RBMS3: variants seen among roughly 807,000 people sequenced by gnomAD.
The protein encoded by RBMS3 is RNA-binding motif, single-stranded-interacting protein 3.
Under a neutral mutation model 66.8 loss-of-function variants are expected in RBMS3, and 27 were observed. The ratio of observed to expected loss-of-function variants is 0.40; its 90% confidence interval spans 0.30 to 0.56. The LOEUF is 0.56. Among genes scored for constraint, RBMS3 ranks in the 20% least tolerant of loss-of-function variants. The probability of loss-of-function intolerance (pLI) is 0.40; values close to 1 mark genes in which losing one functional copy is unlikely to be tolerated. For missense variants in RBMS3, 513 were observed against 549.5 expected, an observed-to-expected ratio of 0.93 and a Z score of 0.66; for synonymous variants, 188 against 183.0, an observed-to-expected ratio of 1.03 and a Z score of -0.22.
rs1183125148 is a variant in RBMS3 at position 29,928,209 on chromosome 3, TATACAC to T, written c.940-7875_940-7870del. Among the ~76,000 whole-genome samples the T allele has an allele frequency of 4.1e-3, 424 of 102,912 alleles. 1 individual carries two copies. Among genetic ancestry groups the T allele is most frequent in the African/African-American group, 0.014 (383 of 26,474 alleles). 67.5% of individuals were successfully genotyped at this position (102,912 alleles called of 152,430 possible). A position where few individuals can be genotyped will look rare whatever the true frequency, so the allele number is the denominator to read the frequency against. On this transcript the variant is annotated intron_variant, in intron 10 of 14. Transcript: ENST00000383767. ...ATATATATATATATATATATATATA[TATACAC>T]ACACACACACACACACACACATATA...
intron 1 of RBMS3, among the ~76,000 whole-genome samples, chr3:29,335,192 G>C (rs577137677): frequency 1.1e-4 from 17 of 152,112 alleles, no homozygotes; most frequent in African/African-American, 4.1e-4. Context: ...TCCTACAAAA[G>C]ACTATCCTAT....
At chr3:29,325,115 C>T (rs540904202) in intron 1 of RBMS3, among the ~76,000 whole-genome samples, 1 of 152,078 alleles carries the variant, frequency 6.6e-6, no homozygotes, top group Non-Finnish European at 1.5e-5. Flanking sequence ...CTCTCTGTAA[C>T]TGTAGAAAAG....
intron 4 of RBMS3, among the ~76,000 whole-genome samples, chr3:29,676,519 C>G (rs1349071758): frequency 6.6e-6 from 1 of 152,200 alleles, no homozygotes; most frequent in African/African-American, 2.4e-5. Context: ...ATTACTGCTT[C>G]TACATTCAGT....
intron 4 of RBMS3, chr3:29,615,218 G>A (rs1336362351): frequency 6.6e-6 from 1 of 152,180 alleles, no homozygotes; most frequent in Non-Finnish European, 1.5e-5. Context: ...TTCCATGACT[G>A]GATTCTCCTT....
Position 29,578,945 on chromosome 3 carries a change from G to T in RBMS3, c.308-8169G>T, listed in dbSNP as rs539080269. On this transcript the variant is annotated intron_variant, in intron 3 of 14. Coordinates refer to ENST00000383767, the MANE Select transcript of RBMS3 (RefSeq NM_001003793.3). Reference sequence around the variant, plus strand: ...GCCTCCCGAGTAGCTGGGACTACAGGCGCCCGCCACCGCGCCCGGCTAATT... The same window carrying T: ...GCCTCCCGAGTAGCTGGGACTACAGTCGCCCGCCACCGCGCCCGGCTAATT... Among the ~76,000 whole-genome samples, 31 of 145,682 alleles carry T rather than the reference G, an allele frequency of 2.1e-4. 2 individuals are homozygous for T. Among genetic ancestry groups the T allele is most frequent in the African/African-American group, 7.8e-4 (30 of 38,532 alleles).
chr3:29,809,985 A>G (rs989899196), intron 6 of RBMS3, among the ~76,000 whole-genome samples: 4 of 152,060 alleles, frequency 2.6e-5, no homozygotes, highest in African/African-American at 7.2e-5. Context: ...TCATTTTACT[A>G]TTATATTGAT....
chr3:29,402,415 T>A (rs2125668639), intron 1 of RBMS3, among the ~76,000 whole-genome samples: 1 of 152,180 alleles, frequency 6.6e-6, no homozygotes, highest in African/African-American at 2.4e-5. Flanking sequence ...CCCTGCAGAT[T>A]TTGTGTGCAA....
chr3:29,513,840 AC>A (rs1456303653), intron 3 of RBMS3, among the ~76,000 whole-genome samples: 1 of 152,128 alleles, frequency 6.6e-6, no homozygotes, highest in Admixed American at 6.5e-5. Context: ...TTCATTCTAT[AC>A]TTTCCTTCTT....
intron 1 of RBMS3, among the ~76,000 whole-genome samples, chr3:29,356,518 T>C (rs1366566313): frequency 6.6e-6 from 1 of 152,172 alleles, no homozygotes; most frequent in Non-Finnish European, 1.5e-5. Context: ...CTAGCCAGAA[T>C]GTGATATTAG....
At chr3:29,687,187 G>A (rs1252172504) in intron 4 of RBMS3, among the ~76,000 whole-genome samples, 1 of 152,154 alleles carries the variant, frequency 6.6e-6, no homozygotes. Context: ...TGTGTCAACT[G>A]AGGACATGGC....
rs576031788 is a variant in RBMS3, at chr3:29,568,616, T to G, written c.308-18498T>G. Reference sequence around the variant, plus strand: ...ATTATTATCCTTATTTTTGGTTGAGTGTTCTGTGCCTGAGGACTCATTGCT... The same window carrying G: ...ATTATTATCCTTATTTTTGGTTGAGGGTTCTGTGCCTGAGGACTCATTGCT... On this transcript the variant is annotated intron_variant, in intron 3 of 14. Transcript: ENST00000383767. 1.2e-4 allele frequency among the ~76,000 whole-genome samples: 19 copies of G among 152,290 alleles called. 2 individuals carry two copies. The East Asian group carries it at 3.3e-3, about 26-fold the overall frequency.
chr3:29,416,976 GA>G (rs33997603), intron 1 of RBMS3, among the ~76,000 whole-genome samples: 1 of 151,734 alleles, frequency 6.6e-6, no homozygotes, highest in South Asian at 2.1e-4. Flanking sequence ...ACTATCACTA[GA>G]AAAAAAAGTG....
intron 3 of RBMS3, among the ~76,000 whole-genome samples, chr3:29,524,415 A>ATT (rs1222102515): frequency 0.08 from 4,555 of 57,148 alleles, 1,062 homozygotes; most frequent in East Asian, 0.1. Flanking sequence ...CTCCCTTTAC[A>ATT]TTTTTTTTTT....
At chr3:29,822,737 T>A (rs920768933) in intron 6 of RBMS3, among the ~76,000 whole-genome samples, 7 of 152,194 alleles carry the variant, frequency 4.6e-5, no homozygotes, top group Non-Finnish European at 1.0e-4. Flanking sequence ...ATTACTGATT[T>A]GCTGTGTGAC....
At chr3:29,580,287 G>C (rs1198559657) in intron 3 of RBMS3, among the ~76,000 whole-genome samples, 1 of 152,042 alleles carries the variant, frequency 6.6e-6, no homozygotes, top group Non-Finnish European at 1.5e-5. Context: ...AATTTATATG[G>C]TAGTGATTAC....
intron 4 of RBMS3, among the ~76,000 whole-genome samples, chr3:29,632,129 GT>G (rs1321950607): frequency 6.6e-6 from 1 of 151,924 alleles, no homozygotes; most frequent in Non-Finnish European, 1.5e-5. Context: ...GTGCTTTGAT[GT>G]GAGTTTTACC....
At chr3:29,655,399 T>C (rs1466847027) in intron 4 of RBMS3, among the ~76,000 whole-genome samples, 2 of 152,232 alleles carry the variant, frequency 1.3e-5, no homozygotes, top group Admixed American at 6.5e-5. Context: ...GTTTGCGTGA[T>C]ACTTTAGTCA....
At chr3:29,946,982 T>TGGCAAGAAA (rs1695361096) in intron 12 of RBMS3, among the ~76,000 whole-genome samples, 1 of 151,536 alleles carries the variant, frequency 6.6e-6, no homozygotes, top group African/African-American at 2.4e-5. Flanking sequence ...ATTATGATAT[T>TGGCAAGAAA]GGCAAGAAAG....
chr3:29,943,894 C>A (rs1695123887), intron 11 of RBMS3, among the ~76,000 whole-genome samples: 1 of 151,662 alleles, frequency 6.6e-6, no homozygotes, highest in African/African-American at 2.4e-5. Context: ...CTTTTGTCAG[C>A]CAGAGAGGGC....
Sources: gnomAD v4.1 joint callset for allele counts (sites outside exome capture counted in the v4.1 genomes callset) on GRCh38, gnomAD v4.1.1 for gene constraint, MANE v1.5 for transcripts, NCBI Gene and HGNC (gene_info 2026-07-23, HGNC 2026-07-21) for gene names.